RPS6KC1: variants seen among roughly 807,000 people sequenced by gnomAD.
RPS6KC1 encodes inactive ribosomal protein S6 kinase delta-1.
Under a neutral mutation model 103.8 loss-of-function variants are expected in RPS6KC1, and 54 were observed. The ratio of observed to expected loss-of-function variants is 0.52; its 90% CI spans 0.42 to 0.65. The LOEUF is 0.65. Among genes scored for constraint, RPS6KC1 ranks in the 30% least tolerant of loss-of-function variants. The probability of loss-of-function intolerance (pLI) is 0.00; values close to 1 mark genes in which losing one functional copy is unlikely to be tolerated. For missense variants in RPS6KC1, 1,151 were observed against 1,253.8 expected (o/e 0.92, Z 1.24); for synonymous variants, 439 against 438.7 (o/e 1.00, Z -0.01).
At chr1:213,274,989 C>CT (rs1172462704), downstream of RPS6KC1, among the ~76,000 whole-genome samples, 1 of 152,202 alleles carries the variant, frequency 6.6e-6, no homozygotes, top group African/African-American at 2.4e-5. Context: ...CTCCTAGCAA[C>CT]CACTATTCCA....
At chr1:213,853,278 C>A in the RPS6KC1 span, among the ~76,000 whole-genome samples, 3 of 152,198 alleles carry the variant, frequency 2.0e-5, no homozygotes, top group Non-Finnish European at 4.4e-5. Flanking sequence ...CCCTGTCCAT[C>A]TCTCTAAGTA....
the RPS6KC1 span, among the ~76,000 whole-genome samples, chr1:213,579,082 A>T: frequency 6.6e-6 from 1 of 151,978 alleles, no homozygotes; most frequent in African/African-American, 2.4e-5. Context: ...TGCTGTTCTT[A>T]TGATAGTGAA....
the RPS6KC1 span, among the ~76,000 whole-genome samples, chr1:213,636,850 T>A: frequency 2.0e-5 from 3 of 151,930 alleles, no homozygotes; most frequent in South Asian, 4.2e-4. Context: ...GGGAGAAAAA[T>A]TTTTGCAATC....
the RPS6KC1 span, among the ~76,000 whole-genome samples, chr1:213,361,849 C>T: frequency 0.031 from 4,701 of 152,258 alleles, 257 homozygotes; most frequent in African/African-American, 0.11. Flanking sequence ...TGTTCTGTTA[C>T]TCTTTTGAAA....
chr1:213,127,724 C>T (rs767371790), intron 5 of RPS6KC1, among the ~76,000 whole-genome samples: 1 of 152,158 alleles, frequency 6.6e-6, no homozygotes. Context: ...TTCAGATAAC[C>T]TCTGTCTGCC....
At chr1:213,321,759 A>G in the RPS6KC1 span, among the ~76,000 whole-genome samples, 1 of 152,346 alleles carries the variant, frequency 6.6e-6, no homozygotes, top group Middle Eastern at 3.4e-3. Context: ...GTAGGGAGGA[A>G]AGACAGGAAG....
the RPS6KC1 span, among the ~76,000 whole-genome samples, chr1:213,528,824 A>G: frequency 1.9e-3 from 293 of 152,346 alleles, no homozygotes; most frequent in African/African-American, 6.9e-3. Context: ...AATAAACCAC[A>G]GTGGGTCTGG....
the RPS6KC1 span, among the ~76,000 whole-genome samples, chr1:213,423,046 C>T: frequency 2.0e-5 from 3 of 152,258 alleles, no homozygotes; most frequent in Non-Finnish European, 4.4e-5. Flanking sequence ...GCACCTACTT[C>T]CAGGAGCTCT....
At chr1:213,515,579 A>G in the RPS6KC1 span, among the ~76,000 whole-genome samples, 1 of 152,088 alleles carries the variant, frequency 6.6e-6, no homozygotes, top group Non-Finnish European at 1.5e-5. Flanking sequence ...GTTCTGTTCC[A>G]TTGATCTATA....
At chr1:213,403,140 A>G in the RPS6KC1 span, among the ~76,000 whole-genome samples, 1 of 151,994 alleles carries the variant, frequency 6.6e-6, no homozygotes, top group African/African-American at 2.4e-5. Context: ...AAAAAAATAC[A>G]CTTTTTAATT....
At chr1:213,136,552 A>G (rs989455948) in intron 6 of RPS6KC1, among the ~76,000 whole-genome samples, 5 of 152,184 alleles carry the variant, frequency 3.3e-5, no homozygotes, top group Admixed American at 1.3e-4. Context: ...CTGGCCTTAA[A>G]AAACAAAAAT....
At chr1:213,743,241 A>G in the RPS6KC1 span, among the ~76,000 whole-genome samples, 1 of 152,356 alleles carries the variant, frequency 6.6e-6, no homozygotes. Flanking sequence ...TTTCGGCAAC[A>G]TGGACGCAGC....
At chr1:213,346,248 A>T in the RPS6KC1 span, among the ~76,000 whole-genome samples, 1 of 152,200 alleles carries the variant, frequency 6.6e-6, no homozygotes. Flanking sequence ...CCATAGCTAG[A>T]AACAGAACTA....
chr1:213,374,798 G>T, the RPS6KC1 span, among the ~76,000 whole-genome samples: 5 of 152,242 alleles, frequency 3.3e-5, no homozygotes, highest in Admixed American at 3.3e-4. Context: ...GTCAGGACTA[G>T]GCTGGGGACA....
At chr1:213,844,138 C>T in the RPS6KC1 span, among the ~76,000 whole-genome samples, 3 of 152,166 alleles carry the variant, frequency 2.0e-5, no homozygotes, top group Non-Finnish European at 4.4e-5. Flanking sequence ...ACAATGCACA[C>T]ATTGTAATAA....
At chr1:213,164,761 A>C (rs1194711876) in intron 6 of RPS6KC1, among the ~76,000 whole-genome samples, 3 of 152,068 alleles carry the variant, frequency 2.0e-5, no homozygotes, top group African/African-American at 7.2e-5. Context: ...CAGACATGGG[A>C]TCTTGCTATG....
the RPS6KC1 span, among the ~76,000 whole-genome samples, chr1:213,338,543 TA>T: frequency 1.3e-5 from 2 of 152,238 alleles, no homozygotes; most frequent in Non-Finnish European, 2.9e-5. Context: ...AGGTGTTCAG[TA>T]AACCCTTGGA....
the RPS6KC1 span, among the ~76,000 whole-genome samples, chr1:213,675,679 C>T: frequency 6.6e-6 from 1 of 151,924 alleles, no homozygotes; most frequent in Admixed American, 6.6e-5. Context: ...GAGTTAGACA[C>T]CAGTCTGACC....
At chr1:213,143,413 C>G (rs1007091941) in intron 6 of RPS6KC1, among the ~76,000 whole-genome samples, 5 of 151,460 alleles carry the variant, frequency 3.3e-5, no homozygotes, top group Non-Finnish European at 7.4e-5. Context: ...AAAGAATTAA[C>G]TTTTAACTTT....
Sources: gnomAD v4.1 joint callset for allele counts (sites outside exome capture counted in the v4.1 genomes callset) on GRCh38, gnomAD v4.1.1 for gene constraint, MANE v1.5 for transcripts, NCBI Gene and HGNC (gene_info 2026-07-23, HGNC 2026-07-21) for gene names.